Variants in RALY observed in about 807,000 individuals in gnomAD.
The protein encoded by RALY is RNA-binding protein Raly.
Under a neutral mutation model 30.7 loss-of-function variants are expected in RALY, and 15 were observed. The ratio of observed to expected loss-of-function variants is 0.49; its 90% CI spans 0.33 to 0.75. RALY has a LOEUF of 0.75. Among genes scored for constraint, RALY ranks in the 30% least tolerant of loss-of-function variants. The pLI, the probability that RALY is intolerant of heterozygous loss-of-function variation, is 0.02. For missense variants in RALY, 339 were observed against 414.3 expected, an observed-to-expected ratio of 0.82 and a Z score of 1.58; for synonymous variants, 177 against 170.8, an observed-to-expected ratio of 1.04 and a Z score of -0.28.
chr20:34,065,805 A>T (rs891988516), intron 2 of RALY, among the ~76,000 whole-genome samples: 1 of 152,190 alleles, frequency 6.6e-6, no homozygotes, highest in African/African-American at 2.4e-5. Flanking sequence ...TGTGACCCTC[A>T]TCCCCATGCA....
At chr20:34,077,351 C>T in intron 8 of RALY, 106 bp downstream of exon 8, 1 of 1,553,778 alleles carries the variant, frequency 6.4e-7, no homozygotes, top group Non-Finnish European at 8.7e-7. Flanking sequence ...CTGTGAACTT[C>T]CTGTTCTCTC....
intron 2 of RALY, among the ~76,000 whole-genome samples, chr20:34,053,696 C>T (rs2033153954): frequency 6.6e-6 from 1 of 152,096 alleles, no homozygotes; most frequent in Non-Finnish European, 1.5e-5. Flanking sequence ...CATGCCTAGC[C>T]AAGAAATATT....
intron 2 of RALY, among the ~76,000 whole-genome samples, chr20:34,064,638 C>T (rs1445516792): frequency 6.6e-6 from 1 of 152,168 alleles, no homozygotes; most frequent in Non-Finnish European, 1.5e-5. Context: ...ACCCCCAACT[C>T]CCTTACTCTC....
intron 2 of RALY, among the ~76,000 whole-genome samples, chr20:34,058,736 C>T (rs1442349258): frequency 6.6e-6 from 1 of 152,164 alleles, no homozygotes; most frequent in Non-Finnish European, 1.5e-5. Context: ...AGTGCTGATC[C>T]TGGATTTAAA....
rs191248217 is a variant in RALY at position 34,039,443 on chromosome 20, G to T, written c.-10+7839G>T. 2.3e-3 allele frequency among the ~76,000 whole-genome samples: 348 copies of T among 152,314 alleles called. 1 individual carries two copies. The highest frequency in any genetic ancestry group is 7.4e-3 in the African/African-American group (308 of 41,558). The stretch of plus-strand genomic sequence containing the variant: ...CTTTGCATCCTCCATATCCCCATCT[G>T]TAAAAATGAGTTAGGCATTGTATTC... On this transcript the variant is annotated intron_variant, in intron 2 of 9. Coordinates refer to ENST00000246194, the MANE Select transcript of RALY (RefSeq NM_016732.3).
At chr20:34,078,701 T>C (rs2033963719) in intron 9 of RALY, 148 bp downstream of exon 9, 1 of 695,598 alleles carries the variant, frequency 1.4e-6, no homozygotes, top group Non-Finnish European at 2.1e-6. Context: ...CCTCCATATC[T>C]AGCCATCCCG....
At chr20:34,033,221 G>C (rs911041394) in intron 2 of RALY, 1 of 152,154 alleles carries the variant, frequency 6.6e-6, no homozygotes, top group African/African-American at 2.4e-5. Context: ...CGTCTCATGT[G>C]TGTACTCCTA....
rs1326609000 is a variant in RALY at position 34,076,683 on chromosome 20, G to A, written c.545-19G>A. ...CTCCAGCCCCCTAGGTGACAGCCCT[G>A]TCCCCCCTCCACTCCCAGTAAAGAG... is the stretch of plus-strand genomic sequence containing the variant. On this transcript the variant is annotated intron_variant, in intron 6 of 9. Transcript: ENST00000246194. 3 of 1,609,990 alleles carry A rather than the reference G, an allele frequency of 1.9e-6. No homozygotes were observed. The highest frequency in any genetic ancestry group is 2.5e-6 in the Non-Finnish European group (3 of 1,176,814).
chr20:34,019,306 G>A (rs927391845), intron 1 of RALY, among the ~76,000 whole-genome samples: 3 of 151,842 alleles, frequency 2.0e-5, no homozygotes, highest in Middle Eastern at 3.4e-3. Context: ...CAGCCTGGGC[G>A]ACACAGCGAG....
At chr20:34,032,151 C>T (rs773855930) in intron 2 of RALY, among the ~76,000 whole-genome samples, 9 of 152,118 alleles carry the variant, frequency 5.9e-5, no homozygotes, top group African/African-American at 1.2e-4. Context: ...TTAGTAGAGA[C>T]GGGGTTTCTC....
chr20:34,031,889 A>AG lies in RALY; in HGVS notation c.-10+287dup, dbSNP rs968563271. Among the ~76,000 whole-genome samples, 45 of 152,266 alleles carry AG rather than the reference A, an allele frequency of 3.0e-4. 1 individual carries two copies. The highest frequency in any genetic ancestry group is 5.0e-4 in the Non-Finnish European group (34 of 68,008). On this transcript the variant is annotated intron_variant, in intron 2 of 9. Transcript: ENST00000246194. The stretch of plus-strand genomic sequence containing the variant: ...TAGCTGCTTTCTGCTGGGATGTGGC[A>AG]GGTGGGGGGCTATCCTGGGACCTGG...
intron 2 of RALY, among the ~76,000 whole-genome samples, chr20:34,069,981 T>C (rs548401761): frequency 6.6e-6 from 1 of 152,302 alleles, no homozygotes; most frequent in South Asian, 2.1e-4. Flanking sequence ...TCTTCCCAAG[T>C]TGGGCTCACG....
At chr20:34,079,501 C>T (rs1346143827) in intron 9 of RALY, among the ~76,000 whole-genome samples, 1 of 152,192 alleles carries the variant, frequency 6.6e-6, no homozygotes, top group Admixed American at 6.5e-5. Flanking sequence ...ATAGATGACA[C>T]ATTTATGCTG....
In RALY at chr20:34,025,667, C is replaced by T. The variant is rs6057965; in HGVS notation, c.-92-5855C>T. Among the ~76,000 whole-genome samples, 209 of 150,628 alleles carry T rather than the reference C, an allele frequency of 1.4e-3. 3 individuals carry two copies. The highest frequency in any genetic ancestry group is 4.6e-3 in the African/African-American group (188 of 40,754). ...TTGCTTATTCTAAACAACAAGAGTT[C>T]TGTAGGGACATGCTATTTTAAAAAA... On this transcript the variant is annotated intron_variant, in intron 1 of 9. Coordinates refer to ENST00000246194, the MANE Select transcript of RALY (RefSeq NM_016732.3).
At chr20:33,999,520 C>T (rs988716721) in intron 1 of RALY, among the ~76,000 whole-genome samples, 6 of 152,148 alleles carry the variant, frequency 3.9e-5, no homozygotes, top group Non-Finnish European at 7.3e-5. Flanking sequence ...AAACTGCTTA[C>T]GTTAAGCCAA....
intron 2 of RALY, among the ~76,000 whole-genome samples, chr20:34,035,022 G>C (rs550938619): frequency 6.6e-6 from 1 of 151,820 alleles, no homozygotes; most frequent in Non-Finnish European, 1.5e-5. Context: ...GTGTGGTGGC[G>C]GGTGTCTGTA....
intron 1 of RALY, among the ~76,000 whole-genome samples, chr20:34,005,083 T>G (rs1051021289): frequency 2.0e-5 from 3 of 152,192 alleles, no homozygotes; most frequent in African/African-American, 7.2e-5. Context: ...ATGTTAAACA[T>G]TAGTCAGCTT....
intron 1 of RALY, among the ~76,000 whole-genome samples, chr20:34,007,673 A>G (rs1187753516): frequency 1.3e-5 from 2 of 151,884 alleles, no homozygotes; most frequent in Non-Finnish European, 2.9e-5. Flanking sequence ...ACAAAAAATT[A>G]GCTGGGCGTG....
At chr20:34,078,092 G>T (rs1365095318) in intron 8 of RALY, among the ~76,000 whole-genome samples, 1 of 152,220 alleles carries the variant, frequency 6.6e-6, no homozygotes, top group Non-Finnish European at 1.5e-5. Context: ...TCTGCCTTAT[G>T]CTAGCTCATC....
Sources: allele counts gnomAD v4.1 joint callset (sites outside exome capture counted in the v4.1 genomes callset), GRCh38; gene constraint gnomAD v4.1.1; transcripts MANE v1.5; gene names NCBI Gene and HGNC (gene_info 2026-07-23, HGNC 2026-07-21).